MRPL2: variants seen among roughly 807,000 people sequenced by gnomAD.
MRPL2 encodes mitochondrial ribosomal protein L2, also known as large ribosomal subunit protein uL2m.
Under a neutral mutation model 34.6 loss-of-function variants are expected in MRPL2, and 27 were observed. That is an observed-to-expected ratio of 0.78 (90% CI 0.58 to 1.08). The LOEUF (loss-of-function observed/expected upper bound fraction) is 1.08. Among genes scored for constraint, MRPL2 ranks in the 50% least tolerant of loss-of-function variants. The probability of loss-of-function intolerance (pLI) is 0.00; values close to 1 mark genes in which losing one functional copy is unlikely to be tolerated. For missense variants in MRPL2, 414 were observed against 419.3 expected (o/e 0.99, Z 0.11); for synonymous variants, 155 against 158.0 (o/e 0.98, Z 0.14).
At position 43,055,745 on chromosome 6, in the gene MRPL2, A is replaced by G. The variant is rs780759743; in HGVS notation, c.632-127T>C. On this transcript the variant is annotated intron_variant, in intron 5 of 6. Coordinates refer to ENST00000388752, the MANE Select transcript of MRPL2 (RefSeq NM_015950.5). ...GGAGCAGATACACAAAGAAGGACGC[A>G]TGCTATGTTTTAGGTAAAAACACAT... 2.6e-4 allele frequency: 332 copies of G among 1,296,754 alleles called. 1 individual carries two copies. The highest frequency in any genetic ancestry group is 3.2e-4 in the Non-Finnish European group (300 of 925,008). 80.3% of individuals were successfully genotyped at this position (1,296,754 alleles called of 1,614,324 possible).
chr6:43,054,073 A>T lies in MRPL2; in HGVS notation c.*201T>A, dbSNP rs1764711329. The T allele has an allele frequency of 1.6e-6, 1 of 635,978 alleles. No homozygotes were observed. The allele number at this position is 635,978 out of a possible 1,614,324, so 39.4% of individuals were successfully genotyped here. A position where few individuals can be genotyped will look rare whatever the true frequency, so the allele number is the denominator to read the frequency against. ...TTCCATCCCCGGCTCCATTACTTGT[A>T]AGGGAATTGGGGTGGGGACAGACCC... On this transcript the variant is annotated 3_prime_UTR_variant, in exon 7 of 7. Transcript: ENST00000388752.
chr6:43,055,699 C>G, intron 5 of MRPL2, 81 bp from the exon 6 acceptor site: 6 of 1,513,464 alleles, frequency 4.0e-6, no homozygotes. Context: ...ACCCCACATG[C>G]TGCCCTTGCT....
upstream of MRPL2, chr6:43,059,549 G>A: frequency 7.0e-7 from 1 of 1,428,186 alleles, no homozygotes; most frequent in Non-Finnish European, 9.1e-7. Flanking sequence ...CCAATCCGCG[G>A]GCAGCTCTAA....
At chr6:43,059,444 G>A (rs1765014413), upstream of MRPL2, 2 of 1,476,776 alleles carry the variant, frequency 1.4e-6, no homozygotes, top group Non-Finnish European at 1.8e-6. Context: ...TGACTGTCCG[G>A]CGCCGTCGCT....
At chr6:43,055,294 G>C (rs1764810045) in intron 6 of MRPL2, among the ~76,000 whole-genome samples, 1 of 152,126 alleles carries the variant, frequency 6.6e-6, no homozygotes, top group South Asian at 2.1e-4. Context: ...GGGAGGTGGA[G>C]GTCACAGTGA....
chr6:43,059,117 G>A, intron 1 of MRPL2, 169 bp downstream of exon 1: 1 of 1,536,062 alleles, frequency 6.5e-7, no homozygotes, highest in Non-Finnish European at 8.8e-7. Context: ...TTCGCCCTAT[G>A]AGAAAGCAAC....
At position 43,056,399 on chromosome 6, in the gene MRPL2, A is replaced by G. The variant is rs753723876; in HGVS notation, c.312T>C (p.Tyr104=). 9.9e-6 allele frequency: 16 copies of G among 1,614,048 alleles called. No homozygotes were observed. Among genetic ancestry groups the G allele is most frequent in the Non-Finnish European group, 1.4e-5 (16 of 1,180,050 alleles). ...GGAAACGCAGAAAGTCAATCATTCGATAACGTTGCTTGTGGCCCCCGCCAA... is the reference window on the plus strand; with the variant it reads ...GGAAACGCAGAAAGTCAATCATTCGGTAACGTTGCTTGTGGCCCCCGCCAA... ...HGIGGGHKQR[Y]RMIDFLRFRP... Residue 104 remains tyrosine, a synonymous_variant, in exon 3 of 7, where the codon TAT becomes TAC. Transcript: ENST00000388752.
intron 5 of MRPL2, 22 bp downstream of exon 5, chr6:43,055,875 C>T (rs1331034514): frequency 6.3e-7 from 1 of 1,598,712 alleles, no homozygotes; most frequent in East Asian, 2.2e-5. Context: ...CTATAGGACC[C>T]AGGCAACTCC....
At chr6:43,059,607 C>T, upstream of MRPL2, 5 of 1,001,950 alleles carry the variant, frequency 5.0e-6, no homozygotes, top group Non-Finnish European at 6.9e-6. Flanking sequence ...CCCGTCAAAA[C>T]AATTGCCTCG....
In MRPL2 at chr6:43,054,240, G is replaced by T. The variant is rs780938711; in HGVS notation, c.*34C>A. 1.6e-5 allele frequency: 14 copies of T among 851,608 alleles called. No individual in the cohort carries two copies. The Admixed American group carries it at 3.8e-4, about 23-fold the overall frequency. 52.8% of individuals were successfully genotyped at this position (851,608 alleles called of 1,614,324 possible). On this transcript the variant is annotated 3_prime_UTR_variant, in exon 7 of 7. Coordinates refer to ENST00000388752, the MANE Select transcript of MRPL2 (RefSeq NM_015950.5). ...AAAACCACAGTAACAGATTAAAACGGGGGGGGGGGGCATTTTATTAGAGTA... is the reference window on the plus strand; with the variant it reads ...AAAACCACAGTAACAGATTAAAACGTGGGGGGGGGGCATTTTATTAGAGTA...
chr6:43,059,753 A>G (rs747481808), upstream of MRPL2: 9 of 1,212,038 alleles, frequency 7.4e-6, no homozygotes, highest in African/African-American at 1.6e-5. Flanking sequence ...TCGCACTACC[A>G]GAAAGATGAA....
chr6:43,058,632 A>G, intron 1 of MRPL2, among the ~76,000 whole-genome samples: 1 of 152,110 alleles, frequency 6.6e-6, no homozygotes, highest in East Asian at 1.9e-4. Flanking sequence ...AGCATTTCGG[A>G]GTAGGTTGAT....
chr6:43,056,690 T>A (rs1764889229), intron 2 of MRPL2, among the ~76,000 whole-genome samples: 1 of 152,252 alleles, frequency 6.6e-6, no homozygotes, highest in East Asian at 1.9e-4. Flanking sequence ...CTTTTTTTCT[T>A]CTGAGACAGA....
At position 43,054,407 on chromosome 6, in the gene MRPL2, C is replaced by T. The variant is rs199896735; in HGVS notation, c.785G>A (p.Arg262His). Reference protein sequence around the residue: ...HNKRVIGKAGRNRWLGKRPNS... With the variant: ...HNKRVIGKAGHNRWLGKRPNS... ...AGGCCTCTTGCCCAGCCAGCGGTTG[C>T]GACCTGCCTTGCCAATGACCCGTTT... The change falls in exon 7 of 7, where the codon CGC becomes CAC. Residue 262 changes from arginine to histidine, a missense_variant. Transcript: ENST00000388752. 5 of 1,614,094 alleles carry T rather than the reference C, an allele frequency of 3.1e-6. No homozygotes were observed. Among genetic ancestry groups the T allele is most frequent in the South Asian group, 1.1e-5 (1 of 91,094 alleles).
At chr6:43,056,848 G>A (rs901146939) in intron 2 of MRPL2, among the ~76,000 whole-genome samples, 14 of 151,702 alleles carry the variant, frequency 9.2e-5, no homozygotes, top group Admixed American at 7.2e-4. Context: ...CTAAGTTTTT[G>A]TATTTTTAGT....
chr6:43,054,722 G>A (rs1021255695), intron 6 of MRPL2, among the ~76,000 whole-genome samples: 1 of 152,174 alleles, frequency 6.6e-6, no homozygotes, highest in African/African-American at 2.4e-5. Context: ...AGGATCACTT[G>A]AGCTCAGAAG....
intron 1 of MRPL2, chr6:43,059,054 C>T (rs1764988187): frequency 1.5e-6 from 2 of 1,349,446 alleles, no homozygotes; most frequent in Non-Finnish European, 2.0e-6. Flanking sequence ...CTGAAACCTG[C>T]ACAACCGGTG....
rs1171482660 is a variant in MRPL2, at chr6:43,054,456, G to A, written c.736C>T (p.Arg246Ter). The A allele has an allele frequency of 8.1e-6, 13 of 1,614,146 alleles. No homozygotes were observed. The highest frequency in any genetic ancestry group is 1.6e-4 in the Middle Eastern group (1 of 6,062). Residue 246 changes from arginine to a stop codon, truncating the protein, a stop_gained, in exon 7 of 7, where the codon CGA becomes TGA. Coordinates refer to ENST00000388752, the MANE Select transcript of MRPL2 (RefSeq NM_015950.5). LOFTEE classifies it high-confidence loss of function. ...VLETCVATVG[R>*]VSNVDHNKRV... ...TTGTTATGATCAACGTTGGATACTC[G>A]GCCTACTGTTGCTACGCACGTTTCC...
chr6:43,059,188 C>T lies in MRPL2; in HGVS notation c.96+98G>A, dbSNP rs1021704381. On this transcript the variant is annotated intron_variant, in intron 1 of 6. Transcript: ENST00000388752. ...TATCCAAGGTCACGGACCTGCATGA[C>T]TCCTGACCAGACTCGCAACTCCCGC... 5.8e-6 allele frequency: 9 copies of T among 1,550,760 alleles called. No homozygotes were observed. In the East Asian group the frequency reaches 2.2e-4, roughly 38 times the overall value.
Sources: gnomAD v4.1 joint callset for allele counts (sites outside exome capture counted in the v4.1 genomes callset) on GRCh38, gnomAD v4.1.1 for gene constraint, MANE v1.5 for transcripts, NCBI Gene and HGNC (gene_info 2026-07-23, HGNC 2026-07-21) for gene names.